Variants in CDCA8 observed in about 807,000 individuals in gnomAD.
CDCA8 encodes cell division cycle associated 8.
A neutral mutation model predicts 40.0 loss-of-function variants in CDCA8; 25 were observed. That is an observed-to-expected ratio of 0.63 (90% CI 0.46 to 0.87). The LOEUF is 0.87. Among genes scored for constraint, CDCA8 ranks in the 40% least tolerant of loss-of-function variants. The pLI is 0.00. For missense variants in CDCA8, 280 were observed against 348.4 expected (o/e 0.80, Z 1.56); for synonymous variants, 111 against 126.5 (o/e 0.88, Z 0.82).
chr1:37,700,005 C>T (rs976286095), intron 4 of CDCA8, among the ~76,000 whole-genome samples: 2 of 152,048 alleles, frequency 1.3e-5, no homozygotes, highest in African/African-American at 2.4e-5. Flanking sequence ...GAAACACTGT[C>T]TTATAGGAAA....
chr1:37,709,651 G>A lies in CDCA8; in HGVS notation c.*1285G>A, dbSNP rs1176955975. ...TATTGTTCTGAGTAATGGTATCTTT[G>A]AGCTGATTGTTCTAATCAGAGCTGG... On this transcript the variant is annotated 3_prime_UTR_variant, in exon 10 of 10. Coordinates refer to ENST00000373055, the MANE Select transcript of CDCA8 (RefSeq NM_001256875.2). The A allele has an allele frequency of 6.6e-6, 1 of 151,998 alleles. No homozygotes were observed. The highest frequency in any genetic ancestry group is 2.4e-5 in the African/African-American group (1 of 41,364). The allele number at this position is 151,998 out of a possible 1,614,324, so 9.4% of individuals were successfully genotyped here.
intron 6 of CDCA8, among the ~76,000 whole-genome samples, chr1:37,702,944 TC>T (rs1645574323): frequency 8.6e-6 from 1 of 116,250 alleles, no homozygotes; most frequent in Non-Finnish European, 1.7e-5. Context: ...AGAGCAAGAC[TC>T]CGTCTCAAAA....
chr1:37,698,411 G>T (rs144380009), intron 3 of CDCA8, among the ~76,000 whole-genome samples: 70 of 152,280 alleles, frequency 4.6e-4, no homozygotes, highest in South Asian at 1.0e-3. Context: ...ATCCATTGTG[G>T]TATATTCACA....
At position 37,696,550 on chromosome 1, in the gene CDCA8, A is replaced by G. The variant is rs770034131; in HGVS notation, c.264+600A>G. Among the ~76,000 whole-genome samples, 2 of 152,396 alleles carry G rather than the reference A, an allele frequency of 1.3e-5. No individual in the cohort carries two copies. The highest frequency in any genetic ancestry group is 2.9e-5 in the Non-Finnish European group (2 of 68,044). On this transcript the variant is annotated intron_variant, in intron 3 of 9. Transcript: ENST00000373055. This position sits in a 1 kb window ranked among gnomAD's most constrained non-coding sequence, Gnocchi z 5.0. The stretch of plus-strand genomic sequence containing the variant: ...TGTTCAATACCTACATATGACTAGT[A>G]GCTACTCCATCAGAGAGCACAGAAA...
At position 37,693,020 on chromosome 1, in the gene CDCA8, G is replaced by A. The variant is rs764332205; in HGVS notation, c.210G>A (p.Trp70Ter). The change falls in exon 2 of 10, where the codon TGG (tryptophan) becomes TGA (stop). Residue 70 changes from tryptophan (W) to a stop codon, truncating the protein, a stop_gained. Transcript: ENST00000373055. LOFTEE classifies it high-confidence loss of function. ...CCAAGGCTCTGCGCGAGATGAACTGGCTTGACTACTTCGGTAAGAGCTGGA... is the reference window on the plus strand; with the variant it reads ...CCAAGGCTCTGCGCGAGATGAACTGACTTGACTACTTCGGTAAGAGCTGGA... The part of the protein sequence containing the change: ...RLPKALREMN[W>*]LDYFALGGNK... The A allele has an allele frequency of 2.5e-6, 4 of 1,614,014 alleles. No homozygotes were observed. In the Admixed American group the frequency reaches 6.7e-5, roughly 27 times the overall value.
intron 5 of CDCA8, 72 bp downstream of exon 5, chr1:37,700,593 GT>G (rs1293153406): frequency 4.6e-6 from 4 of 877,182 alleles, no homozygotes; most frequent in African/African-American, 1.6e-5. Context: ...AAAATACACT[GT>G]TGTACACCAG....
rs1645524603 is a variant in CDCA8 at position 37,696,058 on chromosome 1, A to G, written c.264+108A>G. 1 of 955,698 alleles carries G rather than the reference A, an allele frequency of 1.0e-6. No homozygotes were observed. Among genetic ancestry groups the G allele is most frequent in the Middle Eastern group, 2.1e-4 (1 of 4,770 alleles). The allele number at this position is 955,698 out of a possible 1,614,324, so 59.2% of individuals were successfully genotyped here. On this transcript the variant is annotated intron_variant, in intron 3 of 9. Transcript: ENST00000373055. This position sits in a 1 kb window ranked among gnomAD's most constrained non-coding sequence, Gnocchi z 5.0. ...GGAAGAGGTTTCATAAAGGGACATC[A>G]TCTGTTTGTGTCAACTGAAAAATTA...
rs1425707342 is a variant in CDCA8 at position 37,703,289 on chromosome 1, C to T, written c.526C>T (p.Arg176Ter). The part of the protein sequence containing the change: ...RANTVTPAVG[R>*]LEVSMVKPTP... ...TAACACTGTTACCCCAGCCGTGGGC[C>T]GATTGGAGGTGTCCATGGTCAAACC... is the stretch of plus-strand genomic sequence containing the variant. Residue 176 changes from arginine (R) to a stop codon, truncating the protein, a stop_gained, in exon 7 of 10, where the codon CGA becomes TGA. Transcript: ENST00000373055. LOFTEE classifies it high-confidence loss of function. The T allele has an allele frequency of 3.1e-6, 5 of 1,613,970 alleles. No homozygotes were observed. Among genetic ancestry groups the T allele is most frequent in the Middle Eastern group, 1.7e-4 (1 of 5,958 alleles).
chr1:37,700,318 T>G, intron 4 of CDCA8, 118 bp from the exon 5 acceptor site: 1 of 643,780 alleles, frequency 1.6e-6, no homozygotes, highest in Non-Finnish European at 2.8e-6. Context: ...TTCTTTATTT[T>G]TAGTCCATTT....
chr1:37,707,826 A>T (rs2148291836), intron 9 of CDCA8, among the ~76,000 whole-genome samples: 1 of 152,350 alleles, frequency 6.6e-6, no homozygotes, highest in African/African-American at 2.4e-5. Flanking sequence ...AGCTCTAAAA[A>T]TAAAGTAAAT....
Position 37,692,791 on chromosome 1 carries a change from G to C in CDCA8, c.94+7G>C, listed in dbSNP as rs550448779. On this transcript the variant is annotated splice_region_variant and intron_variant, in intron 1 of 9. Transcript: ENST00000373055. The stretch of plus-strand genomic sequence containing the variant: ...AAAGACTTCGACCGTGAAGGTAAGG[G>C]GCCAGGCCGTCGCGGCCTCCTGGGG... 2.5e-6 allele frequency: 4 copies of C among 1,613,138 alleles called. No individual in the cohort carries two copies. The African/African-American group carries it at 5.3e-5, about 21-fold the overall frequency.
intron 7 of CDCA8, among the ~76,000 whole-genome samples, chr1:37,704,066 A>C (rs932392572): frequency 1.8e-4 from 27 of 151,882 alleles, no homozygotes; most frequent in Non-Finnish European, 3.8e-4. Context: ...TGCTTCTCCC[A>C]CCTTAGCTCC....
intron 6 of CDCA8, among the ~76,000 whole-genome samples, chr1:37,702,927 G>A (rs1452544882): frequency 6.7e-6 from 1 of 149,632 alleles, no homozygotes; most frequent in Non-Finnish European, 1.5e-5. Context: ...ACTCCAGCCT[G>A]GGCAACAGAG....
intron 4 of CDCA8, among the ~76,000 whole-genome samples, chr1:37,699,723 T>C (rs1208635643): frequency 1.3e-5 from 2 of 151,870 alleles, no homozygotes; most frequent in Non-Finnish European, 2.9e-5. Flanking sequence ...TTCGAGACCA[T>C]CCTGGCTAAT....
In CDCA8 at chr1:37,708,545, A is replaced by C. The variant is rs1569586393; in HGVS notation, c.*179A>C. 1.6e-6 allele frequency: 1 copy of C among 625,280 alleles called. No homozygotes were observed. The allele number at this position is 625,280 out of a possible 1,614,324, so 38.7% of individuals were successfully genotyped here. ...ACCAGTTAGGTAGAGCTGTCTGTTC[A>C]CCCTCCCATCCCAGCTGATCCCAGT... On this transcript the variant is annotated 3_prime_UTR_variant, in exon 10 of 10. Coordinates refer to ENST00000373055, the MANE Select transcript of CDCA8 (RefSeq NM_001256875.2).
At chr1:37,695,995 A>G in intron 3 of CDCA8, 45 bp downstream of exon 3, 1 of 1,557,782 alleles carries the variant, frequency 6.4e-7, no homozygotes, top group Non-Finnish European at 8.9e-7. Context: ...ACTTAAGTCT[A>G]GTCCAGTCCC....
intron 6 of CDCA8, among the ~76,000 whole-genome samples, chr1:37,702,866 C>T (rs1447448685): frequency 6.6e-6 from 1 of 151,418 alleles, no homozygotes; most frequent in East Asian, 2.0e-4. Flanking sequence ...GCAGGAGAAT[C>T]GCTTGAACCC....
At chr1:37,698,839 CT>C in intron 3 of CDCA8, 65 bp from the exon 4 acceptor site, 1 of 1,085,438 alleles carries the variant, frequency 9.2e-7, no homozygotes, top group African/African-American at 1.6e-5. Flanking sequence ...AAGTTTTTAT[CT>C]TGAAATATTG....
Position 37,693,011 on chromosome 1 carries a change from G to A in CDCA8, c.201G>A (p.Glu67=). 6.2e-7 allele frequency: 1 copy of A among 1,614,114 alleles called. No individual in the cohort carries two copies. Among genetic ancestry groups the A allele is most frequent in the African/African-American group, 1.3e-5 (1 of 75,060 alleles). Residue 67 remains glutamate, a synonymous_variant, in exon 2 of 10, where the codon GAG becomes GAA. Coordinates refer to ENST00000373055, the MANE Select transcript of CDCA8 (RefSeq NM_001256875.2). The part of the protein sequence containing the change: ...EILRLPKALR[E]MNWLDYFALG... ...TGCGGCTCCCCAAGGCTCTGCGCGA[G>A]ATGAACTGGCTTGACTACTTCGGTA...
Sources: gnomAD v4.1 joint callset for allele counts (sites outside exome capture counted in the v4.1 genomes callset) on GRCh38, gnomAD v4.1.1 for gene constraint, Gnocchi (gnomAD v3.1) non-coding constraint, MANE v1.5 for transcripts, NCBI Gene and HGNC (gene_info 2026-07-23, HGNC 2026-07-21) for gene names.